PSTPIP1: variants seen among roughly 807,000 people sequenced by gnomAD.
PSTPIP1 encodes the protein proline-serine-threonine phosphatase-interacting protein 1.
Under a neutral mutation model 69.6 loss-of-function variants are expected in PSTPIP1, and 66 were observed. That is an observed-to-expected ratio of 0.95 (90% confidence interval 0.78 to 1.16). PSTPIP1 has a LOEUF of 1.16. Ranked by LOEUF, PSTPIP1 falls within the 50% of genes most tolerant of loss-of-function variation. The pLI, the probability that PSTPIP1 is intolerant of heterozygous loss-of-function variation, is 0.00. For missense variants in PSTPIP1, 603 were observed against 557.4 expected (o/e 1.08, Z -0.82); for synonymous variants, 266 against 222.7 (o/e 1.19, Z -1.73).
rs75368251 is a variant in PSTPIP1, at chr15:77,003,360, C to T, written c.36+7751C>T. On this transcript the variant is annotated intron_variant, in intron 1 of 14. Coordinates refer to ENST00000558012, the MANE Select transcript of PSTPIP1 (RefSeq NM_003978.5). Reference sequence around the variant, plus strand: ...GGTTGGCTCTGGAAGGTTCCTCCCTCACAGACTCAGTCATGCTCCATCCTC... The same window carrying T: ...GGTTGGCTCTGGAAGGTTCCTCCCTTACAGACTCAGTCATGCTCCATCCTC... Among the ~76,000 whole-genome samples the T allele has an allele frequency of 8.8e-3, 1,343 of 152,298 alleles. 17 individuals carry two copies. Among genetic ancestry groups the T allele is most frequent in the African/African-American group, 0.031 (1,279 of 41,548 alleles).
chr15:76,995,742 T>C, intron 1 of PSTPIP1, 133 bp downstream of exon 1: 1 of 1,520,212 alleles, frequency 6.6e-7, no homozygotes, highest in Non-Finnish European at 9.0e-7. Flanking sequence ...TTGGTCTTAA[T>C]TGTCATGGAG....
chr15:77,021,089 C>G (rs568657995), intron 3 of PSTPIP1, among the ~76,000 whole-genome samples: 2 of 152,140 alleles, frequency 1.3e-5, no homozygotes, highest in African/African-American at 4.8e-5. Context: ...GGGTGCAGAA[C>G]GAGGACAAAA....
chr15:77,004,825 C>G (rs1178985168), intron 1 of PSTPIP1, among the ~76,000 whole-genome samples: 2 of 152,054 alleles, frequency 1.3e-5, no homozygotes, highest in Admixed American at 1.3e-4. Flanking sequence ...CGCACCACTG[C>G]ACTCCAGCCT....
intron 14 of PSTPIP1, 94 bp from the exon 15 acceptor site, chr15:77,036,951 C>A (rs1209214514): frequency 5.9e-5 from 90 of 1,519,382 alleles, no homozygotes; most frequent in Middle Eastern, 1.9e-4. Context: ...AGACATGCCG[C>A]ATTTACTGCT....
chr15:77,001,888 G>A (rs2075716528), intron 1 of PSTPIP1, among the ~76,000 whole-genome samples: 1 of 152,234 alleles, frequency 6.6e-6, no homozygotes, highest in Non-Finnish European at 1.5e-5. Flanking sequence ...GATGAGGGAT[G>A]AGGCTGAGCG....
intron 14 of PSTPIP1, among the ~76,000 whole-genome samples, 182 bp from the exon 15 acceptor site, chr15:77,036,863 C>CTATGATGA (rs1276509116): frequency 6.6e-6 from 1 of 152,132 alleles, no homozygotes; most frequent in Non-Finnish European, 1.5e-5. Flanking sequence ...TGATGACAAA[C>CTATGATGA]TGAGGGGGAT....
At chr15:77,031,091 T>G in intron 9 of PSTPIP1, 89 bp from the exon 10 acceptor site, 2 of 1,298,342 alleles carry the variant, frequency 1.5e-6, no homozygotes, top group East Asian at 2.3e-5. Flanking sequence ...GCTGGCCTGG[T>G]CAGCTCCGGC....
At position 77,035,887 on chromosome 15, in the gene PSTPIP1, G is replaced by A. The variant is rs367643394; in HGVS notation, c.1071G>A (p.Pro357=). ...CAGTGCAGGAGATACAGGGAAACCCGGCCTCACCAGCCCAGGAGTACCGGG... is the reference window on the plus strand; with the variant it reads ...CAGTGCAGGAGATACAGGGAAACCCAGCCTCACCAGCCCAGGAGTACCGGG... The part of the protein sequence containing the change: ...AIAVQEIQGN[P]ASPAQEYRAL... Residue 357 remains proline (P), a synonymous_variant, in exon 14 of 15, where the codon CCG becomes CCA. Coordinates refer to ENST00000558012, the MANE Select transcript of PSTPIP1 (RefSeq NM_003978.5). 27 of 1,609,814 alleles carry A rather than the reference G, an allele frequency of 1.7e-5. No individual in the cohort carries two copies. Among genetic ancestry groups the A allele is most frequent in the African/African-American group, 1.6e-4 (12 of 74,748 alleles).
chr15:77,009,799 G>A (rs1480092617), intron 1 of PSTPIP1, among the ~76,000 whole-genome samples: 1 of 152,184 alleles, frequency 6.6e-6, no homozygotes, highest in East Asian at 1.9e-4. Context: ...CCAGAACCCA[G>A]TGCCTGAGCC....
At chr15:77,001,613 C>T (rs1008175711) in intron 1 of PSTPIP1, among the ~76,000 whole-genome samples, 2 of 152,234 alleles carry the variant, frequency 1.3e-5, no homozygotes, top group African/African-American at 2.4e-5. Flanking sequence ...AGTACCTTCC[C>T]GGCACCTGCC....
At chr15:77,034,437 T>C (rs537123971) in intron 12 of PSTPIP1, among the ~76,000 whole-genome samples, 1 of 152,150 alleles carries the variant, frequency 6.6e-6, no homozygotes, top group Non-Finnish European at 1.5e-5. Flanking sequence ...CGGCGCCTCA[T>C]GTGGGAAAGG....
intron 10 of PSTPIP1, 57 bp from the exon 11 acceptor site, chr15:77,032,241 G>A (rs1167755296): frequency 6.4e-7 from 1 of 1,567,820 alleles, no homozygotes; most frequent in Non-Finnish European, 8.7e-7. Context: ...CAGAGTTCAG[G>A]CCCACAGAGG....
At chr15:77,034,437 T>G in intron 12 of PSTPIP1, among the ~76,000 whole-genome samples, 1 of 152,268 alleles carries the variant, frequency 6.6e-6, no homozygotes, top group Non-Finnish European at 1.5e-5. Context: ...CGGCGCCTCA[T>G]GTGGGAAAGG....
chr15:77,014,980 C>T (rs2076020678), intron 1 of PSTPIP1, among the ~76,000 whole-genome samples: 1 of 152,188 alleles, frequency 6.6e-6, no homozygotes, highest in Non-Finnish European at 1.5e-5. Context: ...GTGCCCGCTC[C>T]CCACCTGGCA....
chr15:77,008,085 G>A, intron 1 of PSTPIP1: 1 of 456,078 alleles, frequency 2.2e-6, no homozygotes, highest in South Asian at 1.6e-5. Context: ...GCTGGGGGTG[G>A]AGGGCGGGAG....
chr15:77,025,437 G>A, intron 4 of PSTPIP1, 61 bp from the exon 5 acceptor site: 2 of 1,588,900 alleles, frequency 1.3e-6, no homozygotes, highest in Non-Finnish European at 1.7e-6. Context: ...CGGGTGAGTT[G>A]TGGGTGGCTG....
intron 3 of PSTPIP1, 112 bp from the exon 4 acceptor site, chr15:77,025,172 C>T (rs1044516796): frequency 1.6e-6 from 2 of 1,232,354 alleles, no homozygotes; most frequent in Non-Finnish European, 2.4e-6. Context: ...GACCCAGGGT[C>T]TTCCCACCAA....
chr15:76,999,286 T>G (rs543422331), intron 1 of PSTPIP1, among the ~76,000 whole-genome samples: 1 of 152,190 alleles, frequency 6.6e-6, no homozygotes, highest in South Asian at 2.1e-4. Context: ...ATTTCACTTT[T>G]TTTTTTTTTT....
intron 12 of PSTPIP1, among the ~76,000 whole-genome samples, chr15:77,033,780 G>A (rs1216065445): frequency 1.3e-5 from 2 of 150,682 alleles, no homozygotes; most frequent in African/African-American, 4.9e-5. Flanking sequence ...TCCTACTCCT[G>A]GGAGGCAGAG....
Sources: gnomAD v4.1 joint callset for allele counts (sites outside exome capture counted in the v4.1 genomes callset) on GRCh38, gnomAD v4.1.1 for gene constraint, MANE v1.5 for transcripts, NCBI Gene and HGNC (gene_info 2026-07-23, HGNC 2026-07-21) for gene names.